Variants in MYOZ2 observed in about 807,000 individuals in gnomAD.
The protein encoded by MYOZ2 is myozenin-2.
MYOZ2 carries 19 observed loss-of-function variants against 25.4 expected under a neutral mutation model. That is an observed-to-expected ratio of 0.75 (90% confidence interval 0.52 to 1.10). The LOEUF (loss-of-function observed/expected upper bound fraction) is 1.10, where lower values mean the gene tolerates loss of function less well. Ranked by LOEUF, MYOZ2 falls within the 50% of genes least tolerant of loss-of-function variation. The pLI is 0.00. For synonymous variants in MYOZ2, 92 were observed against 106.9 expected (o/e 0.86, Z 0.86); for missense variants, 270 against 317.9 (o/e 0.85, Z 1.15).
intron 2 of MYOZ2, among the ~76,000 whole-genome samples, chr4:119,144,267 G>A (rs1036610673): frequency 1.3e-5 from 2 of 152,154 alleles, no homozygotes; most frequent in Non-Finnish European, 2.9e-5. Context: ...ATTCTCTAGA[G>A]ATTCACCCGG....
intron 2 of MYOZ2, among the ~76,000 whole-genome samples, chr4:119,142,705 A>G (rs1741184546): frequency 6.6e-6 from 1 of 152,228 alleles, no homozygotes; most frequent in Admixed American, 6.5e-5. Context: ...TCTGCATTGC[A>G]TTAGGAAGAA....
chr4:119,163,564 G>T (rs1011775930), intron 4 of MYOZ2, among the ~76,000 whole-genome samples: 2 of 152,170 alleles, frequency 1.3e-5, no homozygotes, highest in African/African-American at 2.4e-5. Flanking sequence ...AGAATAAACT[G>T]GGGAGGTGAG....
intron 5 of MYOZ2, among the ~76,000 whole-genome samples, chr4:119,170,634 G>T (rs1246095399): frequency 2.0e-5 from 3 of 152,158 alleles, no homozygotes; most frequent in Non-Finnish European, 4.4e-5. Context: ...TGTTCAAGCT[G>T]CAACGTGGAG....
intron 5 of MYOZ2, among the ~76,000 whole-genome samples, chr4:119,180,820 T>C (rs1742173508): frequency 6.6e-6 from 1 of 152,190 alleles, no homozygotes; most frequent in Non-Finnish European, 1.5e-5. Context: ...CCTCCCAAAG[T>C]GCTGGGATTA....
chr4:119,147,176 T>C (rs937757901), intron 2 of MYOZ2, among the ~76,000 whole-genome samples: 26 of 152,308 alleles, frequency 1.7e-4, no homozygotes, highest in Admixed American at 1.7e-3. Flanking sequence ...CATCAATTGA[T>C]GTATTTAGAT....
In MYOZ2 at chr4:119,164,414, T is replaced by G; in HGVS notation, c.560+20T>G. The stretch of plus-strand genomic sequence containing the variant: ...TAACAGGTAATTCAATGGTCCTGGG[T>G]GACACTGTTGGCATGCAATACCAAA... On this transcript the variant is annotated intron_variant, in intron 5 of 5. Transcript: ENST00000307128. The G allele has an allele frequency of 6.2e-7, 1 of 1,613,580 alleles. No individual in the cohort carries two copies. The highest frequency in any genetic ancestry group is 1.7e-4 in the Middle Eastern group (1 of 6,060).
At chr4:119,183,001 C>T (rs1561135279) in intron 5 of MYOZ2, among the ~76,000 whole-genome samples, 1 of 151,886 alleles carries the variant, frequency 6.6e-6, no homozygotes, top group Non-Finnish European at 1.5e-5. Flanking sequence ...AAAAAACACA[C>T]AGAAATTAAG....
intron 5 of MYOZ2, among the ~76,000 whole-genome samples, chr4:119,167,536 T>C (rs1331134304): frequency 6.6e-6 from 1 of 152,184 alleles, no homozygotes; most frequent in South Asian, 2.1e-4. Flanking sequence ...AGAGGATTGA[T>C]GAAAGTGGCT....
chr4:119,178,741 G>A (rs1742130160), intron 5 of MYOZ2, among the ~76,000 whole-genome samples: 1 of 152,020 alleles, frequency 6.6e-6, no homozygotes, highest in South Asian at 2.1e-4. Flanking sequence ...CGAGTAGGTG[G>A]GACTACAGGC....
intron 5 of MYOZ2, among the ~76,000 whole-genome samples, chr4:119,175,139 A>C (rs1742038015): frequency 1.3e-5 from 2 of 152,042 alleles, no homozygotes; most frequent in African/African-American, 4.8e-5. Flanking sequence ...AGAACCCACC[A>C]ATTCCCGACA....
At chr4:119,178,348 T>C (rs911654022) in intron 5 of MYOZ2, among the ~76,000 whole-genome samples, 3 of 152,178 alleles carry the variant, frequency 2.0e-5, no homozygotes, top group Admixed American at 6.5e-5. Context: ...GCCAATGATA[T>C]ACTCAGCCTG....
chr4:119,151,224 T>A (rs1392767985), intron 3 of MYOZ2, among the ~76,000 whole-genome samples, 183 bp downstream of exon 3: 1 of 152,138 alleles, frequency 6.6e-6, no homozygotes, highest in Non-Finnish European at 1.5e-5. Flanking sequence ...ATGTATGATA[T>A]GAGTATGCTT....
intron 5 of MYOZ2, among the ~76,000 whole-genome samples, chr4:119,168,666 T>TA (rs927460796): frequency 5.5e-5 from 8 of 144,944 alleles, no homozygotes; most frequent in Non-Finnish European, 1.0e-4. Flanking sequence ...TGCTGCAATC[T>TA]AAAAAAAACA....
chr4:119,141,989 G>A (rs991545687), intron 2 of MYOZ2, among the ~76,000 whole-genome samples: 1 of 152,070 alleles, frequency 6.6e-6, no homozygotes, highest in African/African-American at 2.4e-5. Flanking sequence ...TAGAAGGGAA[G>A]GGAAGGGAAG....
chr4:119,151,183 A>G (rs1741443808), intron 3 of MYOZ2, 142 bp downstream of exon 3: 3 of 864,678 alleles, frequency 3.5e-6, no homozygotes, highest in Non-Finnish European at 3.6e-6. Context: ...ATCATAATGA[A>G]TAGTTTAGGT....
rs774782954 is a variant in MYOZ2, at chr4:119,151,002, A to C, written c.207A>C (p.Thr69=). Residue 69 remains threonine (T), a synonymous_variant, in exon 3 of 6, where the codon ACA becomes ACC. Transcript: ENST00000307128. ...GTCAAAGAAGATCTGACAAATACACATTTGAAAATTTCCAGTATCAATCTA... is the reference window on the plus strand; with the variant it reads ...GTCAAAGAAGATCTGACAAATACACCTTTGAAAATTTCCAGTATCAATCTA... The part of the protein sequence containing the change: ...KMRQRRSDKY[T]FENFQYQSRA... 3.7e-6 allele frequency: 6 copies of C among 1,613,606 alleles called. No homozygotes were observed. The highest frequency in any genetic ancestry group is 3.3e-5 in the Admixed American group (2 of 60,012).
intron 5 of MYOZ2, among the ~76,000 whole-genome samples, chr4:119,174,440 T>A (rs947854034): frequency 6.6e-6 from 1 of 152,200 alleles, no homozygotes; most frequent in Non-Finnish European, 1.5e-5. Flanking sequence ...AGAACCTTTA[T>A]GTCTAGTTCA....
chr4:119,172,359 T>G (rs1247978388), intron 5 of MYOZ2, among the ~76,000 whole-genome samples: 1 of 152,128 alleles, frequency 6.6e-6, no homozygotes, highest in Non-Finnish European at 1.5e-5. Flanking sequence ...TCAGGCTTTT[T>G]AAGGAAAATT....
At chr4:119,166,509 CAA>C (rs34894750) in intron 5 of MYOZ2, among the ~76,000 whole-genome samples, 86 of 136,258 alleles carry the variant, frequency 6.3e-4, no homozygotes, top group Non-Finnish European at 6.4e-4. Flanking sequence ...GACCCTGTCT[CAA>C]AAAAAAAAAA....
Sources: gnomAD v4.1 joint callset for allele counts (sites outside exome capture counted in the v4.1 genomes callset) on GRCh38, gnomAD v4.1.1 for gene constraint, MANE v1.5 for transcripts, NCBI Gene and HGNC (gene_info 2026-07-23, HGNC 2026-07-21) for gene names.